ARID2: variants seen among roughly 807,000 people sequenced by gnomAD.
ARID2 encodes the protein AT-rich interactive domain-containing protein 2.
Under a neutral mutation model 184.6 loss-of-function variants are expected in ARID2, and 32 were observed. The observed-to-expected ratio is 0.17, with a 90% CI of 0.13 to 0.23. The LOEUF (loss-of-function observed/expected upper bound fraction) is 0.23. ARID2 is among the 10% of genes least tolerant of loss of function. The pLI is 1.00. For synonymous variants in ARID2, 836 were observed against 772.6 expected (o/e 1.08, Z -1.36); for missense variants, 1,696 against 2,197.6 (o/e 0.77, Z 4.56).
In ARID2 at chr12:45,893,508, A is replaced by G; in HGVS notation, c.5236A>G (p.Arg1746Gly). ...CAGTGCTGCACTTATGGCTCTGAGGAGAGGATCAAGAAACCTTGTCTTTCG... is the reference window on the plus strand; with the variant it reads ...CAGTGCTGCACTTATGGCTCTGAGGGGAGGATCAAGAAACCTTGTCTTTCG... ...HPSAALMALR[R>G]GSRNLVFRDF... Residue 1746 changes from arginine (R) to glycine (G), a missense_variant, in exon 19 of 21, where the codon AGA becomes GGA. This residue lies in a region of ARID2 where 69 missense variants were observed against 118.2 expected (regional missense o/e 0.58). Coordinates refer to ENST00000334344, the MANE Select transcript of ARID2 (RefSeq NM_152641.4). 3 of 1,613,776 alleles carry G rather than the reference A, an allele frequency of 1.9e-6. No homozygotes were observed. The highest frequency in any genetic ancestry group is 2.5e-6 in the Non-Finnish European group (3 of 1,179,820).
chr12:45,767,068 A>G (rs943622429), intron 3 of ARID2, among the ~76,000 whole-genome samples: 5 of 152,176 alleles, frequency 3.3e-5, no homozygotes, highest in Non-Finnish European at 5.9e-5. Flanking sequence ...AACATGGCCA[A>G]TCTATTTTTT....
At position 45,851,854 on chromosome 12, in the gene ARID2, G is replaced by C; in HGVS notation, c.3731G>C (p.Cys1244Ser). ...CCATTCAAAGGTGATAAAATAATTT[G>C]CCAAAAGGAGGAGGAAGCAAAGGAA... Reference protein sequence around the residue: ...TPPFKGDKIICQKEEEAKEAT... With the variant: ...TPPFKGDKIISQKEEEAKEAT... Residue 1244 changes from cysteine (C) to serine (S), a missense_variant, in exon 15 of 21, where the codon TGC becomes TCC. By Grantham distance (112) the Cys-to-Ser change is moderately radical (BLOSUM62 -1). Coordinates refer to ENST00000334344, the MANE Select transcript of ARID2 (RefSeq NM_152641.4). 1 of 1,614,144 alleles carries C rather than the reference G, an allele frequency of 6.2e-7. No individual in the cohort carries two copies. The highest frequency in any genetic ancestry group is 8.5e-7 in the Non-Finnish European group (1 of 1,180,012).
In ARID2 at chr12:45,851,591, C is replaced by G. The variant is rs140614134; in HGVS notation, c.3468C>G (p.Ile1156Met). 6.2e-7 allele frequency: 1 copy of G among 1,614,172 alleles called. No homozygotes were observed. The highest frequency in any genetic ancestry group is 8.5e-7 in the Non-Finnish European group (1 of 1,180,006). Residue 1156 changes from isoleucine to methionine, a missense_variant, in exon 15 of 21, where the codon ATC (isoleucine) becomes ATG (methionine). By Grantham distance (10) the Ile-to-Met change is conservative (BLOSUM62 1). Transcript: ENST00000334344. ...TACAAATATTGCCAGGTCCACTGAT[C>G]TCAAATAGCCCAGCAACCATTTTCC... ...SNLQILPGPL[I>M]SNSPATIFQG...
chr12:45,881,605 G>GAA (rs1177866411), intron 16 of ARID2: 1 of 156,764 alleles, frequency 6.4e-6, no homozygotes, highest in East Asian at 1.9e-4. Context: ...GGACCTGGAG[G>GAA]GCTTGGGGTG....
rs753697559 is a variant in ARID2, at chr12:45,850,160, A to G, written c.2037A>G (p.Gln679=). 3 of 1,614,158 alleles carry G rather than the reference A, an allele frequency of 1.9e-6. No homozygotes were observed. The highest frequency in any genetic ancestry group is 1.3e-5 in the African/African-American group (1 of 75,050). Residue 679 remains glutamine (Q), a synonymous_variant, in exon 15 of 21, where the codon CAA becomes CAG. Transcript: ENST00000334344. ...FPVQGVHTVA[Q]TVSRIPQNPS... is the part of the protein sequence containing the mutation. ...TACAAGGTGTTCATACTGTGGCACA[A>G]ACTGTTTCAAGAATTCCACAAAATC...
chr12:45,760,770 T>C lies in ARID2; in HGVS notation c.284+29456T>C, dbSNP rs189538993. ...TGGGTTTATTTTGGTTCATATTTTT[T>C]AGGTACCTTTTTGTTTCTTTATTTT... On this transcript the variant is annotated intron_variant, in intron 3 of 20. Transcript: ENST00000334344. Among the ~76,000 whole-genome samples the C allele has an allele frequency of 1.9e-4, 29 of 152,280 alleles. No individual in the cohort carries two copies. In the East Asian group the frequency reaches 5.6e-3, roughly 29 times the overall value.
In ARID2 at chr12:45,847,020, A is replaced by T. The variant is rs1035442335; in HGVS notation, c.1580+83A>T. 1.7e-5 allele frequency: 22 copies of T among 1,285,568 alleles called. No individual in the cohort carries two copies. The African/African-American group carries it at 3.1e-4, about 18-fold the overall frequency. 79.6% of individuals were successfully genotyped at this position (1,285,568 alleles called of 1,614,324 possible). On this transcript the variant is annotated intron_variant, in intron 12 of 20. Coordinates refer to ENST00000334344, the MANE Select transcript of ARID2 (RefSeq NM_152641.4). ...AAGGAAATGTATTCTACAGACATCC[A>T]GAATGTTTTGTTCTGTATTCCTTTT...
chr12:45,763,198 C>T (rs752345058), intron 3 of ARID2, among the ~76,000 whole-genome samples: 2 of 152,152 alleles, frequency 1.3e-5, no homozygotes, highest in Admixed American at 1.3e-4. Flanking sequence ...AGGCAAGGTG[C>T]GGTGGCTCAC....
At chr12:45,894,494 T>G (rs781689703) in intron 20 of ARID2, among the ~76,000 whole-genome samples, 2 of 152,246 alleles carry the variant, frequency 1.3e-5, no homozygotes, top group Non-Finnish European at 2.9e-5. Flanking sequence ...GTCTTACGTC[T>G]TTTATGATAT....
intron 3 of ARID2, among the ~76,000 whole-genome samples, chr12:45,750,068 G>T (rs916143814): frequency 6.6e-6 from 1 of 152,080 alleles, no homozygotes; most frequent in Non-Finnish European, 1.5e-5. Flanking sequence ...CTAGCTTTTG[G>T]CATATCTTGG....
chr12:45,851,600 C>A lies in ARID2; in HGVS notation c.3477C>A (p.Ser1159Arg), dbSNP rs1326784750. The A allele has an allele frequency of 1.9e-6, 3 of 1,613,972 alleles. No homozygotes were observed. In the African/African-American group the frequency reaches 4.0e-5, roughly 22 times the overall value. The change falls in exon 15 of 21, where the codon AGC becomes AGA. Residue 1159 changes from serine (S) to arginine (R), a missense_variant. Around this residue, in one of 11 missense-constraint regions of ARID2, gnomAD observed 713 missense variants for 824.4 expected, o/e 0.86. Transcript: ENST00000334344. Reference protein sequence around the residue: ...QILPGPLISNSPATIFQGTSG... With the variant: ...QILPGPLISNRPATIFQGTSG... ...TGCCAGGTCCACTGATCTCAAATAG[C>A]CCAGCAACCATTTTCCAAGGGACTT...
chr12:45,757,545 A>C (rs1001918678), intron 3 of ARID2, among the ~76,000 whole-genome samples: 2 of 152,250 alleles, frequency 1.3e-5, no homozygotes, highest in Non-Finnish European at 2.9e-5. Flanking sequence ...TTGCCCTTCT[A>C]GTTCTGGGAT....
At chr12:45,758,358 AT>A (rs889634404) in intron 3 of ARID2, among the ~76,000 whole-genome samples, 10 of 150,344 alleles carry the variant, frequency 6.7e-5, no homozygotes, top group African/African-American at 1.2e-4. Context: ...ACATTATGAC[AT>A]TTTTTTTTGT....
intron 3 of ARID2, among the ~76,000 whole-genome samples, chr12:45,743,955 T>TATTTTAGTAAG (rs1380822936): frequency 2.0e-5 from 3 of 152,184 alleles, no homozygotes; most frequent in Non-Finnish European, 2.9e-5. Context: ...TTTTCTAACC[T>TATTTTAGTAAG]GCTGCCTTAC....
At chr12:45,780,358 T>G (rs1462825948) in intron 3 of ARID2, among the ~76,000 whole-genome samples, 1 of 152,148 alleles carries the variant, frequency 6.6e-6, no homozygotes. Flanking sequence ...TTCTGCCTTT[T>G]GGGGGAGGAG....
chr12:45,744,401 A>G (rs948385790), intron 3 of ARID2, among the ~76,000 whole-genome samples: 1 of 151,946 alleles, frequency 6.6e-6, no homozygotes, highest in Admixed American at 6.6e-5. Flanking sequence ...TTTAATCCAT[A>G]GGTATTATCT....
At chr12:45,778,100 G>T (rs1255468703) in intron 3 of ARID2, among the ~76,000 whole-genome samples, 1 of 152,052 alleles carries the variant, frequency 6.6e-6, no homozygotes, top group African/African-American at 2.4e-5. Flanking sequence ...CAGCTTCTCA[G>T]GGGGGCCGGG....
intron 16 of ARID2, among the ~76,000 whole-genome samples, chr12:45,890,977 C>T (rs926242281): frequency 2.0e-5 from 3 of 151,978 alleles, no homozygotes; most frequent in Non-Finnish European, 2.9e-5. Flanking sequence ...CCAGCCTGGC[C>T]AACATGGTGA....
rs986671726 is a variant in ARID2 at position 45,735,166 on chromosome 12, T to A, written c.284+3852T>A. Among the ~76,000 whole-genome samples the A allele has an allele frequency of 2.0e-5, 3 of 152,152 alleles. No homozygotes were observed. In the East Asian group the frequency reaches 5.8e-4, roughly 29 times the overall value. On this transcript the variant is annotated intron_variant, in intron 3 of 20. Transcript: ENST00000334344. ...TCTTAAATTACACCATTTGAGGGAG[T>A]TTACATTTGTTAGTTAAATTGAATG...
Sources: allele counts gnomAD v4.1 joint callset (sites outside exome capture counted in the v4.1 genomes callset), GRCh38; gene constraint gnomAD v4.1.1; regional missense constraint gnomAD v4.1.1; transcripts MANE v1.5; gene names NCBI Gene and HGNC (gene_info 2026-07-23, HGNC 2026-07-21).